CADM1: variants seen among roughly 807,000 people sequenced by gnomAD.
CADM1 encodes cell adhesion molecule 1.
In CADM1, 15 loss-of-function variants were observed where a neutral mutation model predicts 53.1. The observed-to-expected ratio is 0.28, with a 90% CI of 0.19 to 0.44. The LOEUF (loss-of-function observed/expected upper bound fraction) is 0.44, where lower values mean the gene tolerates loss of function less well. CADM1 is among the 20% of genes least tolerant of loss of function. The pLI is 1.00. For synonymous variants in CADM1, 281 were observed against 243.0 expected, an observed-to-expected ratio of 1.16 and a Z score of -1.45; for missense variants, 434 against 611.3, an observed-to-expected ratio of 0.71 and a Z score of 3.06.
intron 1 of CADM1, among the ~76,000 whole-genome samples, chr11:115,269,489 G>C (rs1437267381): frequency 6.6e-6 from 1 of 152,086 alleles, no homozygotes; most frequent in Non-Finnish European, 1.5e-5. Flanking sequence ...CTCCCAATTA[G>C]TTATTCTTGA....
intron 1 of CADM1, among the ~76,000 whole-genome samples, chr11:115,417,503 A>G (rs1947629788): frequency 6.6e-6 from 1 of 152,240 alleles, no homozygotes; most frequent in South Asian, 2.1e-4. Flanking sequence ...AGGCACAATA[A>G]GAGACTGACA....
Position 115,326,351 on chromosome 11 carries a change from C to A in CADM1, c.125-85931G>T, listed in dbSNP as rs1427552010. 2.0e-5 allele frequency among the ~76,000 whole-genome samples: 3 copies of A among 152,014 alleles called. No individual in the cohort carries two copies. In the East Asian group the frequency reaches 5.8e-4, roughly 29 times the overall value. ...GTTTCTGGGTTCTAATAAAGAAGAA[C>A]TTTTGAAGCATGTATGTATGTGTAT... On this transcript the variant is annotated intron_variant, in intron 1 of 11. Transcript: ENST00000331581.
intron 1 of CADM1, among the ~76,000 whole-genome samples, chr11:115,294,631 G>T (rs1225349914): frequency 6.6e-6 from 1 of 151,918 alleles, no homozygotes; most frequent in Non-Finnish European, 1.5e-5. Flanking sequence ...GTTCTTATAA[G>T]GTAATAAAAT....
intron 10 of CADM1, among the ~76,000 whole-genome samples, chr11:115,189,679 TTCTAA>T (rs1231726665): frequency 6.6e-6 from 1 of 152,244 alleles, no homozygotes; most frequent in African/African-American, 2.4e-5. Flanking sequence ...CTGTCTATCT[TTCTAA>T]TCTATTTATT....
rs571624544 is a variant in CADM1, at chr11:115,171,267, C to T, written c.*5207G>A. The T allele has an allele frequency of 1.3e-5, 2 of 152,160 alleles. No individual in the cohort carries two copies. The highest frequency in any genetic ancestry group is 2.4e-5 in the African/African-American group (1 of 41,438). The allele number at this position is 152,160 out of a possible 1,614,324, so 9.4% of individuals were successfully genotyped here. Reference sequence around the variant, plus strand: ...TCTTGGGCATGATTTTATAATAAAACAAAAATACCTTCACTTAAGCAGGGT... The same window carrying T: ...TCTTGGGCATGATTTTATAATAAAATAAAAATACCTTCACTTAAGCAGGGT... On this transcript the variant is annotated 3_prime_UTR_variant, in exon 12 of 12. Coordinates refer to ENST00000331581, the MANE Select transcript of CADM1 (RefSeq NM_001301043.2).
At chr11:115,328,740 A>ACGTG (rs370691519) in intron 1 of CADM1, among the ~76,000 whole-genome samples, 3 of 112,318 alleles carry the variant, frequency 2.7e-5, no homozygotes, top group African/African-American at 6.2e-5. Context: ...ATACATATAT[A>ACGTG]TATATATAGA....
intron 1 of CADM1, among the ~76,000 whole-genome samples, chr11:115,487,492 TAA>T (rs577880771): frequency 1.2e-4 from 19 of 152,210 alleles, no homozygotes; most frequent in Admixed American, 4.6e-4. Flanking sequence ...GAAACAAGGA[TAA>T]AGAGATGTAA....
chr11:115,188,430 G>A (rs541538081), intron 10 of CADM1, among the ~76,000 whole-genome samples: 81 of 152,320 alleles, frequency 5.3e-4, no homozygotes, highest in African/African-American at 1.9e-3. Context: ...GATCAGCTGG[G>A]CAACTTGCTT....
At chr11:115,292,676 G>A (rs1943936255) in intron 1 of CADM1, among the ~76,000 whole-genome samples, 1 of 152,116 alleles carries the variant, frequency 6.6e-6, no homozygotes, top group Non-Finnish European at 1.5e-5. Flanking sequence ...TGTGTATCAG[G>A]CAGAACAGAC....
intron 8 of CADM1, among the ~76,000 whole-genome samples, chr11:115,199,594 A>G (rs1287762244): frequency 1.3e-5 from 2 of 152,166 alleles, no homozygotes; most frequent in African/African-American, 4.8e-5. Flanking sequence ...ATGCAGGGTG[A>G]CATTCTTTTT....
intron 1 of CADM1, among the ~76,000 whole-genome samples, chr11:115,346,520 C>T (rs920237048): frequency 6.6e-6 from 1 of 152,160 alleles, no homozygotes; most frequent in Non-Finnish European, 1.5e-5. Context: ...AGGCTTGAGC[C>T]ACCACACACA....
At position 115,402,891 on chromosome 11, in the gene CADM1, CAT is replaced by C. The variant is rs796338224; in HGVS notation, c.124+101378_124+101379del. ...ATTTATAAATCAGTACAGAGGTAAA[CAT>C]AACTCACTAGAGAAATGATGGACTC... On this transcript the variant is annotated intron_variant, in intron 1 of 11. Coordinates refer to ENST00000331581, the MANE Select transcript of CADM1 (RefSeq NM_001301043.2). Among the ~76,000 whole-genome samples, 58 of 152,252 alleles carry C rather than the reference CAT, an allele frequency of 3.8e-4. 2 individuals are homozygous for C. The highest frequency in any genetic ancestry group is 1.3e-3 in the African/African-American group (52 of 41,542).
intron 1 of CADM1, among the ~76,000 whole-genome samples, chr11:115,257,202 C>G (rs1429002944): frequency 1.3e-5 from 2 of 152,068 alleles, no homozygotes; most frequent in African/African-American, 4.8e-5. Flanking sequence ...TAATGGGCTA[C>G]TTGCTGTTCT....
intron 8 of CADM1, among the ~76,000 whole-genome samples, chr11:115,204,463 G>A (rs556283300): frequency 5.1e-4 from 77 of 152,264 alleles, no homozygotes; most frequent in Admixed American, 2.7e-3. Flanking sequence ...CACTAGCATC[G>A]TGCTGTACAT....
At chr11:115,270,784 A>G (rs1943275258) in intron 1 of CADM1, among the ~76,000 whole-genome samples, 1 of 152,230 alleles carries the variant, frequency 6.6e-6, no homozygotes, top group Non-Finnish European at 1.5e-5. Context: ...TATTTAAAAT[A>G]TCCTTCTTAC....
At chr11:115,433,965 T>C (rs549462581) in intron 1 of CADM1, among the ~76,000 whole-genome samples, 1 of 152,346 alleles carries the variant, frequency 6.6e-6, no homozygotes, top group East Asian at 1.9e-4. Context: ...CCTGAATTTA[T>C]TAACCTGCCA....
intron 8 of CADM1, among the ~76,000 whole-genome samples, chr11:115,201,890 A>C (rs1940446110): frequency 6.6e-6 from 1 of 152,166 alleles, no homozygotes; most frequent in Non-Finnish European, 1.5e-5. Flanking sequence ...GCCAAGAAAA[A>C]ACAATCCCAT....
intron 1 of CADM1, among the ~76,000 whole-genome samples, chr11:115,404,327 G>GAAAAAAAAAAAAAAAA: frequency 1.7e-4 from 1 of 5,830 alleles, no homozygotes; most frequent in African/African-American, 5.3e-4. Context: ...ATCTGTCTCG[G>GAAAAAAAAAAAAAAAA]AAAAAAAAAA....
chr11:115,351,498 A>T (rs1945736160), intron 1 of CADM1, among the ~76,000 whole-genome samples: 1 of 152,230 alleles, frequency 6.6e-6, no homozygotes, highest in Non-Finnish European at 1.5e-5. Flanking sequence ...GTATTCTAGC[A>T]AGCTGATCTA....
Sources: gnomAD v4.1 joint callset for allele counts (sites outside exome capture counted in the v4.1 genomes callset) on GRCh38, gnomAD v4.1.1 for gene constraint, MANE v1.5 for transcripts, NCBI Gene and HGNC (gene_info 2026-07-23, HGNC 2026-07-21) for gene names.